LRRTM4: variants seen among roughly 807,000 people sequenced by gnomAD.
LRRTM4 encodes leucine-rich repeat transmembrane neuronal protein 4.
In LRRTM4, 25 loss-of-function variants were observed where a neutral mutation model predicts 47.6. That is an observed-to-expected ratio of 0.53 (90% CI 0.38 to 0.73). The LOEUF is 0.73. LRRTM4 is among the 30% of genes least tolerant of loss of function. The pLI is 0.00. For missense variants in LRRTM4, 638 were observed against 713.4 expected (o/e 0.89, Z 1.20); for synonymous variants, 311 against 269.5 (o/e 1.15, Z -1.51).
chr2:77,057,969 G>C (rs1432572036), intron 3 of LRRTM4, among the ~76,000 whole-genome samples: 1 of 152,040 alleles, frequency 6.6e-6, no homozygotes, highest in Non-Finnish European at 1.5e-5. Context: ...TTTTCCACTT[G>C]TTACTACCAA....
chr2:76,971,321 C>A (rs1676212330), intron 3 of LRRTM4, among the ~76,000 whole-genome samples: 1 of 152,004 alleles, frequency 6.6e-6, no homozygotes, highest in South Asian at 2.1e-4. Context: ...TGACAAGCTC[C>A]CCAGGCAATT....
intron 3 of LRRTM4, among the ~76,000 whole-genome samples, chr2:77,386,060 T>C (rs1424364588): frequency 6.6e-6 from 1 of 152,024 alleles, no homozygotes; most frequent in East Asian, 1.9e-4. Flanking sequence ...CCCAGCCACA[T>C]GGTACAATTT....
chr2:77,401,957 C>T (rs142808560), intron 3 of LRRTM4, among the ~76,000 whole-genome samples: 222 of 151,964 alleles, frequency 1.5e-3, no homozygotes, highest in African/African-American at 4.9e-3. Flanking sequence ...TATTTTAGAA[C>T]GCTTAGGCAA....
At chr2:76,800,617 C>A (rs1675614729) in intron 3 of LRRTM4, among the ~76,000 whole-genome samples, 1 of 137,602 alleles carries the variant, frequency 7.3e-6, no homozygotes, top group African/African-American at 2.8e-5. Flanking sequence ...TCTAATTAAA[C>A]TAAAGAGCTT....
chr2:76,795,735 T>C (rs66650355), intron 3 of LRRTM4, among the ~76,000 whole-genome samples: 68,660 of 151,778 alleles, frequency 0.45, 16,876 homozygotes, highest in East Asian at 0.68. Flanking sequence ...CTTTGGATAC[T>C]CATTTTATGA....
chr2:76,920,213 A>G (rs116470479), intron 3 of LRRTM4, among the ~76,000 whole-genome samples: 1,661 of 152,236 alleles, frequency 0.011, 36 homozygotes, highest in African/African-American at 0.038. Flanking sequence ...TAGCCATTCC[A>G]TATTTTTCTA....
chr2:77,342,852 A>T (rs62160534), intron 3 of LRRTM4, among the ~76,000 whole-genome samples: 76,254 of 151,502 alleles, frequency 0.5, 22,640 homozygotes, highest in Non-Finnish European at 0.67. Context: ...AGGCAGGTTC[A>T]AACTGAGGAC....
In LRRTM4 at chr2:76,916,769, ATATAAT is replaced by A. The variant is rs935900983; in HGVS notation, c.1552-167859_1552-167854del. ...ATCCACAAAACTCCGATGTGCAAAA[ATATAAT>A]TATATTTTTAGAACTATCTTTAATA... On this transcript the variant is annotated intron_variant, in intron 3 of 3. Transcript: ENST00000409884. Among the ~76,000 whole-genome samples the A allele has an allele frequency of 7.5e-4, 114 of 152,276 alleles. No individual in the cohort carries two copies. The Middle Eastern group carries it at 0.01, about 14-fold the overall frequency.
chr2:77,111,658 T>A (rs1671253394), intron 3 of LRRTM4, among the ~76,000 whole-genome samples: 1 of 152,122 alleles, frequency 6.6e-6, no homozygotes, highest in African/African-American at 2.4e-5. Flanking sequence ...CTATGCTACC[T>A]GCCCTTAGTT....
intron 3 of LRRTM4, among the ~76,000 whole-genome samples, chr2:77,029,950 C>G (rs568673422): frequency 6.6e-6 from 1 of 152,192 alleles, no homozygotes; most frequent in East Asian, 1.9e-4. Flanking sequence ...AGGATTAAAA[C>G]AAATAATTCA....
chr2:77,304,637 A>G (rs1034247312), intron 3 of LRRTM4, among the ~76,000 whole-genome samples: 1 of 152,162 alleles, frequency 6.6e-6, no homozygotes, highest in African/African-American at 2.4e-5. Flanking sequence ...GCTATCAGTT[A>G]TGTGTACTAA....
At position 77,137,528 on chromosome 2, in the gene LRRTM4, T is replaced by A. The variant is rs570545323; in HGVS notation, c.1551+380790A>T. ...CCAGCCACTGCAAAAACATGCCAAA[T>A]TGTAAAGACCATCAAGGCTAGGAAG... On this transcript the variant is annotated intron_variant, in intron 3 of 3. Transcript: ENST00000409884. 2.1e-3 allele frequency among the ~76,000 whole-genome samples: 312 copies of A among 152,012 alleles called. 7 individuals are homozygous for A. The highest frequency in any genetic ancestry group is 7.3e-3 in the African/African-American group (302 of 41,352).
chr2:77,396,673 T>G (rs1273171018), intron 3 of LRRTM4, among the ~76,000 whole-genome samples: 2 of 151,940 alleles, frequency 1.3e-5, no homozygotes, highest in Admixed American at 6.6e-5. Flanking sequence ...TTCAACCACG[T>G]AGTAGACAGC....
At chr2:77,218,572 A>C (rs1409051565) in intron 3 of LRRTM4, among the ~76,000 whole-genome samples, 1 of 151,686 alleles carries the variant, frequency 6.6e-6, no homozygotes, top group Non-Finnish European at 1.5e-5. Flanking sequence ...AATGGTTTTA[A>C]TGTCTCACCA....
chr2:77,232,110 A>C (rs887652044), intron 3 of LRRTM4, among the ~76,000 whole-genome samples: 1 of 152,140 alleles, frequency 6.6e-6, no homozygotes, highest in Non-Finnish European at 1.5e-5. Context: ...AGTAGGTTCC[A>C]GGAGGGCACA....
chr2:77,397,831 C>T (rs138402704), intron 3 of LRRTM4, among the ~76,000 whole-genome samples: 1 of 151,854 alleles, frequency 6.6e-6, no homozygotes, highest in Non-Finnish European at 1.5e-5. Flanking sequence ...GGAGACTCTG[C>T]ACCAAGTGTA....
chr2:76,780,471 T>G (rs1038412061), intron 3 of LRRTM4, among the ~76,000 whole-genome samples: 1 of 152,178 alleles, frequency 6.6e-6, no homozygotes, highest in Non-Finnish European at 1.5e-5. Flanking sequence ...TTTTTATTCT[T>G]TTTCCTCTAA....
intron 3 of LRRTM4, among the ~76,000 whole-genome samples, chr2:77,284,872 T>G (rs1269881255): frequency 1.3e-5 from 2 of 152,038 alleles, no homozygotes; most frequent in Non-Finnish European, 2.9e-5. Context: ...AACAAGCAAT[T>G]CACTCAGAAG....
At chr2:77,507,143 G>A (rs1184266578) in intron 3 of LRRTM4, among the ~76,000 whole-genome samples, 1 of 151,810 alleles carries the variant, frequency 6.6e-6, no homozygotes, top group Non-Finnish European at 1.5e-5. Flanking sequence ...AGAAAATAAT[G>A]GAAATTAAAA....
Sources: allele counts gnomAD v4.1 joint callset (sites outside exome capture counted in the v4.1 genomes callset), GRCh38; gene constraint gnomAD v4.1.1; transcripts MANE v1.5; gene names NCBI Gene and HGNC (gene_info 2026-07-23, HGNC 2026-07-21).